ZZEF1: variants seen among roughly 807,000 people sequenced by gnomAD.
ZZEF1 encodes zinc finger ZZ-type and EF-hand domain containing 1, also known as zinc finger ZZ-type and EF-hand domain-containing protein 1.
ZZEF1 carries 157 observed loss-of-function variants against 342.8 expected under a neutral mutation model. The ratio of observed to expected loss-of-function variants is 0.46; its 90% CI spans 0.40 to 0.52. ZZEF1 has a LOEUF of 0.52. ZZEF1 is among the 20% of genes least tolerant of loss of function. The pLI is 0.00. For missense variants in ZZEF1, 3,480 were observed against 3,725.6 expected, an observed-to-expected ratio of 0.93 and a Z score of 1.72; for synonymous variants, 1,505 against 1,429.1, an observed-to-expected ratio of 1.05 and a Z score of -1.20.
intron 43 of ZZEF1, among the ~76,000 whole-genome samples, chr17:4,024,120 G>A (rs1035493745): frequency 2.7e-5 from 4 of 148,674 alleles, no homozygotes; most frequent in Admixed American, 2.0e-4. Flanking sequence ...CCTCCCAATC[G>A]CTGCCTCTCA....
intron 28 of ZZEF1, among the ~76,000 whole-genome samples, chr17:4,066,150 C>T (rs953645665): frequency 2.0e-5 from 3 of 152,056 alleles, no homozygotes; most frequent in African/African-American, 7.3e-5. Context: ...GCCTGGGAGA[C>T]AGAACGAGAC....
Position 4,014,044 on chromosome 17 carries a change from G to A in ZZEF1, c.8413+46C>T, listed in dbSNP as rs778484257. Reference sequence around the variant, plus strand: ...ATCATGGCACCCACAGCCATGGAGTGTCCCTGGCAGGCAGATGGTGTGAAC... The same window carrying A: ...ATCATGGCACCCACAGCCATGGAGTATCCCTGGCAGGCAGATGGTGTGAAC... On this transcript the variant is annotated intron_variant, in intron 51 of 54. Transcript: ENST00000381638. The surrounding 1 kb of genome is among the most constrained non-coding windows in gnomAD (Gnocchi z 4.4). The A allele has an allele frequency of 3.9e-6, 6 of 1,529,006 alleles. 1 individual carries two copies. The highest frequency in any genetic ancestry group is 4.5e-6 in the Non-Finnish European group (5 of 1,103,436). 94.7% of individuals were successfully genotyped at this position (1,529,006 alleles called of 1,614,324 possible).
rs568809878 is a variant in ZZEF1, at chr17:4,046,531, C to T, written c.6016-2157G>A. Among the ~76,000 whole-genome samples the T allele has an allele frequency of 1.1e-4, 16 of 152,262 alleles. No individual in the cohort carries two copies. In the South Asian group the frequency reaches 2.5e-3, roughly 24 times the overall value. On this transcript the variant is annotated intron_variant, in intron 37 of 54. Coordinates refer to ENST00000381638, the MANE Select transcript of ZZEF1 (RefSeq NM_015113.4). ...ACCAAACATTCAGGAGGTGACATGCCGTCTCCCAGGGGTACCTAACTCAGC... is the reference window on the plus strand; with the variant it reads ...ACCAAACATTCAGGAGGTGACATGCTGTCTCCCAGGGGTACCTAACTCAGC...
chr17:4,099,396 A>AT (rs1262813511), intron 9 of ZZEF1, among the ~76,000 whole-genome samples: 1 of 151,370 alleles, frequency 6.6e-6, no homozygotes, highest in African/African-American at 2.4e-5. Flanking sequence ...TTTTTATTTC[A>AT]TTTTTTGTAG....
In ZZEF1 at chr17:4,006,452, GC is replaced by G; in HGVS notation, c.*437del. ...AAGCAAAGAGGTGCTCCCAGGCTGG[GC>G]AGCCACTGGGGGTCTTGCTGGAAAG... is the stretch of plus-strand genomic sequence containing the variant. On this transcript the variant is annotated 3_prime_UTR_variant, in exon 55 of 55. Transcript: ENST00000381638. 1 of 243,448 alleles carries G rather than the reference GC, an allele frequency of 4.1e-6. No homozygotes were observed. The highest frequency in any genetic ancestry group is 8.2e-6 in the Non-Finnish European group (1 of 122,420). 15.1% of individuals were successfully genotyped at this position (243,448 alleles called of 1,614,324 possible). A position where few individuals can be genotyped will look rare whatever the true frequency, so the allele number is the denominator to read the frequency against.
At chr17:4,138,133 T>C (rs931345238) in intron 1 of ZZEF1, among the ~76,000 whole-genome samples, 3 of 152,144 alleles carry the variant, frequency 2.0e-5, no homozygotes, top group Admixed American at 2.0e-4. Flanking sequence ...TTCAGACAAA[T>C]ACATATTTGG....
At position 4,072,623 on chromosome 17, in the gene ZZEF1, G is replaced by T; in HGVS notation, c.3819C>A (p.His1273Gln). 1 of 1,612,704 alleles carries T rather than the reference G, an allele frequency of 6.2e-7. No homozygotes were observed. The highest frequency in any genetic ancestry group is 8.5e-7 in the Non-Finnish European group (1 of 1,179,326). ...GAGTAAATACCTCCTTACTATTCCG[G>T]TGTGGGTGAGTGGGCCAGCTTGCTT... is the stretch of plus-strand genomic sequence containing the variant. ...ELEASWPTHP[H>Q]RNSKEVKNIP... The change falls in exon 25 of 55, where the codon CAC becomes CAA. Residue 1273 changes from histidine (H) to glutamine (Q), a missense_variant. Coordinates refer to ENST00000381638, the MANE Select transcript of ZZEF1 (RefSeq NM_015113.4).
At chr17:4,083,855 T>C (rs1213572864) in intron 16 of ZZEF1, among the ~76,000 whole-genome samples, 1 of 152,216 alleles carries the variant, frequency 6.6e-6, no homozygotes, top group Non-Finnish European at 1.5e-5. Context: ...ACTTTTCTTA[T>C]GTCTGCTCAT....
chr17:4,045,436 G>A (rs1045955344), intron 37 of ZZEF1, among the ~76,000 whole-genome samples: 1 of 152,138 alleles, frequency 6.6e-6, no homozygotes, highest in African/African-American at 2.4e-5. Flanking sequence ...TCTTCAGTAT[G>A]AAAACCAAAC....
Position 4,117,015 on chromosome 17 carries a change from G to T in ZZEF1, c.651C>A (p.Ser217=). The change falls in exon 3 of 55, where the codon TCC becomes TCA. Residue 217 remains serine (S), a synonymous_variant. Coordinates refer to ENST00000381638, the MANE Select transcript of ZZEF1 (RefSeq NM_015113.4). ...HCNNMCTMRS[S]VLKESLDQLV... ...GCTGATCCAGAGACTCCTTCAGGAC[G>T]GAAGACCGCATGGTGCACATGTTAT... 2 of 1,613,208 alleles carry T rather than the reference G, an allele frequency of 1.2e-6. No homozygotes were observed. Among genetic ancestry groups the T allele is most frequent in the Non-Finnish European group, 1.7e-6 (2 of 1,179,462 alleles).
chr17:4,018,416 C>G (rs1037152943), intron 46 of ZZEF1, among the ~76,000 whole-genome samples: 1 of 152,034 alleles, frequency 6.6e-6, no homozygotes. Flanking sequence ...TGCCTGGACT[C>G]CCCTTCTCTC....
At chr17:4,130,411 C>T (rs1258989678) in intron 1 of ZZEF1, among the ~76,000 whole-genome samples, 1 of 152,052 alleles carries the variant, frequency 6.6e-6, no homozygotes, top group Non-Finnish European at 1.5e-5. Context: ...TGAGATCTCA[C>T]CCTTGCACTC....
chr17:4,107,406 G>T (rs547167091), intron 6 of ZZEF1, among the ~76,000 whole-genome samples: 6 of 152,300 alleles, frequency 3.9e-5, no homozygotes, highest in Non-Finnish European at 8.8e-5. Flanking sequence ...GAGTAAGGGG[G>T]AGTCGTCATG....
Position 4,112,682 on chromosome 17 carries a change from G to C in ZZEF1, c.993C>G (p.Val331=), listed in dbSNP as rs747496265. 6.2e-7 allele frequency: 1 copy of C among 1,614,216 alleles called. No homozygotes were observed. Among genetic ancestry groups the C allele is most frequent in the South Asian group, 1.1e-5 (1 of 91,080 alleles). ...VGRNASDLQE[V]RDVHIPSNVT... ...CATTGCTGGGGATGTGCACATCTCG[G>C]ACTTCCTGAAGATCGCTGGCATTCC... The change falls in exon 5 of 55, where the codon GTC becomes GTG. Residue 331 remains valine, a synonymous_variant. Coordinates refer to ENST00000381638, the MANE Select transcript of ZZEF1 (RefSeq NM_015113.4).
In ZZEF1 at chr17:4,112,687, C is replaced by G; in HGVS notation, c.988G>C (p.Glu330Gln). The change falls in exon 5 of 55, where the codon GAA (glutamate) becomes CAA (glutamine). Residue 330 changes from glutamate to glutamine, a missense_variant. Around this residue, in one of 5 missense-constraint regions of ZZEF1, gnomAD observed 92 missense variants for 130.3 expected, o/e 0.71. Transcript: ENST00000381638. Reference sequence around the variant, plus strand: ...CTGGGGATGTGCACATCTCGGACTTCCTGAAGATCGCTGGCATTCCTCCCT... The same window carrying G: ...CTGGGGATGTGCACATCTCGGACTTGCTGAAGATCGCTGGCATTCCTCCCT... Reference protein sequence around the residue: ...AVGRNASDLQEVRDVHIPSNV... With the variant: ...AVGRNASDLQQVRDVHIPSNV... 6.2e-7 allele frequency: 1 copy of G among 1,614,230 alleles called. No individual in the cohort carries two copies. Among genetic ancestry groups the G allele is most frequent in the Non-Finnish European group, 8.5e-7 (1 of 1,180,052 alleles).
chr17:4,105,585 A>G, intron 7 of ZZEF1, 108 bp downstream of exon 7: 1 of 903,490 alleles, frequency 1.1e-6, no homozygotes, highest in Non-Finnish European at 1.7e-6. Flanking sequence ...AAAAGCAACC[A>G]TTTTTAGTGG....
At chr17:4,025,158 G>T in intron 42 of ZZEF1, 40 bp from the exon 43 acceptor site, 1 of 1,589,070 alleles carries the variant, frequency 6.3e-7, no homozygotes. Context: ...AGGCACAAAA[G>T]TACAGTTCAT....
At chr17:4,041,868 T>A (rs990309346) in intron 39 of ZZEF1, among the ~76,000 whole-genome samples, 1 of 152,136 alleles carries the variant, frequency 6.6e-6, no homozygotes, top group Non-Finnish European at 1.5e-5. Flanking sequence ...ACGGAATTTT[T>A]AAGAGGATCC....
intron 28 of ZZEF1, among the ~76,000 whole-genome samples, chr17:4,065,372 G>C (rs140008575): frequency 1.3e-5 from 2 of 151,840 alleles, no homozygotes; most frequent in Non-Finnish European, 2.9e-5. Flanking sequence ...ATTCCAGCTT[G>C]GGCGAAAGAG....
Sources: allele counts gnomAD v4.1 joint callset (sites outside exome capture counted in the v4.1 genomes callset), GRCh38; gene constraint gnomAD v4.1.1; regional missense constraint gnomAD v4.1.1; non-coding constraint Gnocchi (gnomAD v3.1); transcripts MANE v1.5; gene names NCBI Gene and HGNC (gene_info 2026-07-23, HGNC 2026-07-21).